PDZRN4: variants seen among roughly 807,000 people sequenced by gnomAD.
The protein encoded by PDZRN4 is PDZ domain containing ring finger 4.
Under a neutral mutation model 99.0 loss-of-function variants are expected in PDZRN4, and 70 were observed. That is an observed-to-expected ratio of 0.71 (90% CI 0.58 to 0.86). The LOEUF is 0.86. PDZRN4 is among the 40% of genes least tolerant of loss of function. PDZRN4 has a pLI of 0.00. For synonymous variants in PDZRN4, 551 were observed against 501.6 expected, an observed-to-expected ratio of 1.10 and a Z score of -1.32; for missense variants, 1,474 against 1,331.2, an observed-to-expected ratio of 1.11 and a Z score of -1.67.
chr12:41,258,693 G>T (rs1462099440), intron 3 of PDZRN4, among the ~76,000 whole-genome samples: 1 of 152,104 alleles, frequency 6.6e-6, no homozygotes, highest in Non-Finnish European at 1.5e-5. Flanking sequence ...CTATTCTAGT[G>T]CTAGGGATGT....
intron 3 of PDZRN4, among the ~76,000 whole-genome samples, chr12:41,371,606 C>T (rs1412384243): frequency 1.3e-5 from 2 of 152,062 alleles, no homozygotes; most frequent in African/African-American, 4.8e-5. Context: ...CTGTAACTGC[C>T]TGAGCTATCA....
chr12:41,256,377 G>A (rs546458528), intron 3 of PDZRN4, among the ~76,000 whole-genome samples: 40 of 152,154 alleles, frequency 2.6e-4, no homozygotes, highest in South Asian at 1.0e-3. Flanking sequence ...ATTAAGAAGT[G>A]TGGCAAAAAG....
chr12:41,413,873 T>A (rs1343765787), intron 3 of PDZRN4, among the ~76,000 whole-genome samples: 2 of 152,142 alleles, frequency 1.3e-5, no homozygotes, highest in Non-Finnish European at 2.9e-5. Flanking sequence ...AGTTGGTTGT[T>A]TCATAGTTTC....
At chr12:41,442,116 T>A (rs897973) in intron 3 of PDZRN4, among the ~76,000 whole-genome samples, 1 of 151,902 alleles carries the variant, frequency 6.6e-6, no homozygotes, top group African/African-American at 2.4e-5. Flanking sequence ...CCCTCTTGAG[T>A]GGCTTCTAGG....
intron 3 of PDZRN4, among the ~76,000 whole-genome samples, chr12:41,241,210 C>G (rs1817480751): frequency 6.6e-6 from 1 of 152,112 alleles, no homozygotes. Context: ...CTCCAGTGAA[C>G]ATTTCCTTTG....
In PDZRN4 at chr12:41,573,556, C is replaced by T. The variant is rs1209372126; in HGVS notation, c.2777C>T (p.Thr926Ile). Residue 926 changes from threonine (T) to isoleucine (I), a missense_variant, in exon 10 of 10, where the codon ACC (threonine) becomes ATC (isoleucine). By Grantham distance (89) the Thr-to-Ile change is moderately conservative. Coordinates refer to ENST00000402685, the MANE Select transcript of PDZRN4 (RefSeq NM_001164595.2). The stretch of plus-strand genomic sequence containing the variant: ...ATCAAGGAAGAGCGGAGTGGCATGA[C>T]CACAGACGATGACACCATGAGCGAG... ...LKIKEERSGMTTDDDTMSEMK... is the reference protein window; with the variant it reads ...LKIKEERSGMITDDDTMSEMK... The T allele has an allele frequency of 1.2e-6, 2 of 1,612,104 alleles. No homozygotes were observed. Among genetic ancestry groups the T allele is most frequent in the Non-Finnish European group, 8.5e-7 (1 of 1,179,350 alleles).
intron 5 of PDZRN4, among the ~76,000 whole-genome samples, chr12:41,523,182 C>T (rs928164808): frequency 1.3e-5 from 2 of 152,092 alleles, no homozygotes; most frequent in Non-Finnish European, 1.5e-5. Context: ...TATATGAGAA[C>T]GTGTAGTCCT....
At chr12:41,192,167 G>A (rs1056591264) in intron 2 of PDZRN4, among the ~76,000 whole-genome samples, 10 of 152,034 alleles carry the variant, frequency 6.6e-5, no homozygotes, top group Admixed American at 4.6e-4. Context: ...GTGCAGTAGC[G>A]TGATCTCAGC....
At chr12:41,493,778 G>A (rs923518999) in intron 3 of PDZRN4, among the ~76,000 whole-genome samples, 1 of 151,800 alleles carries the variant, frequency 6.6e-6, no homozygotes, top group Non-Finnish European at 1.5e-5. Flanking sequence ...ATCTCAGTGG[G>A]CTGCTGAATT....
chr12:41,361,838 A>G (rs1951965479), intron 3 of PDZRN4, among the ~76,000 whole-genome samples: 1 of 152,044 alleles, frequency 6.6e-6, no homozygotes, highest in African/African-American at 2.4e-5. Flanking sequence ...TGGAAAGAGG[A>G]TGAATCTGGC....
rs369568631 is a variant in PDZRN4 at position 41,269,163 on chromosome 12, A to ATG, written c.843+74975_843+74976insTG. Among the ~76,000 whole-genome samples, 20 of 152,354 alleles carry ATG rather than the reference A, an allele frequency of 1.3e-4. 1 individual carries two copies. The highest frequency in any genetic ancestry group is 4.8e-4 in the African/African-American group (20 of 41,590). On this transcript the variant is annotated intron_variant, in intron 3 of 9. Transcript: ENST00000402685. The stretch of plus-strand genomic sequence containing the variant: ...TGAGGTTATAATGGTTCTGAAGCTA[A>ATG]GAACAGTACTGCTAGTGTCCATGAA...
At position 41,188,909 on chromosome 12, in the gene PDZRN4, G is replaced by A. The variant is rs1467190441; in HGVS notation, c.454G>A (p.Gly152Ser). Residue 152 changes from glycine to serine, a missense_variant, in exon 1 of 10, where the codon GGC becomes AGC. Transcript: ENST00000402685. The stretch of plus-strand genomic sequence containing the variant: ...GGGCGCGCGCGGGGGGCCGCCGGGC[G>A]GCCGCTGGGGCCGCGGGCGGGGACC... Reference protein sequence around the residue: ...GGGARGGPPGGRWGRGRGPGP... With the variant: ...GGGARGGPPGSRWGRGRGPGP... The A allele has an allele frequency of 6.2e-6, 7 of 1,124,056 alleles. No individual in the cohort carries two copies. The highest frequency in any genetic ancestry group is 7.6e-6 in the Non-Finnish European group (7 of 920,642). 69.6% of individuals were successfully genotyped at this position (1,124,056 alleles called of 1,614,324 possible). A position where few individuals can be genotyped will look rare whatever the true frequency, so the allele number is the denominator to read the frequency against.
At position 41,316,121 on chromosome 12, in the gene PDZRN4, A is replaced by G. The variant is rs189747572; in HGVS notation, c.843+121933A>G. Reference sequence around the variant, plus strand: ...AACTGTAACCCATTTTCTTTTTTTAATAGGAAAGCTGTTGATTCCAACTTG... The same window carrying G: ...AACTGTAACCCATTTTCTTTTTTTAGTAGGAAAGCTGTTGATTCCAACTTG... On this transcript the variant is annotated intron_variant, in intron 3 of 9. Transcript: ENST00000402685. 3.3e-3 allele frequency among the ~76,000 whole-genome samples: 505 copies of G among 152,214 alleles called. 7 individuals carry two copies. The highest frequency in any genetic ancestry group is 0.012 in the African/African-American group (484 of 41,538).
intron 3 of PDZRN4, among the ~76,000 whole-genome samples, chr12:41,210,263 G>T (rs1950879458): frequency 6.6e-6 from 1 of 151,920 alleles, no homozygotes; most frequent in Non-Finnish European, 1.5e-5. Flanking sequence ...TGTCAGATGA[G>T]TAGGTTGCAA....
At chr12:41,215,119 C>T (rs1950912388) in intron 3 of PDZRN4, among the ~76,000 whole-genome samples, 1 of 152,028 alleles carries the variant, frequency 6.6e-6, no homozygotes, top group South Asian at 2.1e-4. Context: ...ACTTGCTTTC[C>T]TGACCAAAAT....
At chr12:41,392,152 C>T (rs1952214872) in intron 3 of PDZRN4, among the ~76,000 whole-genome samples, 1 of 152,068 alleles carries the variant, frequency 6.6e-6, no homozygotes, top group Non-Finnish European at 1.5e-5. Flanking sequence ...AAAGGCTTTG[C>T]TGTGATAGAA....
intron 5 of PDZRN4, among the ~76,000 whole-genome samples, chr12:41,541,739 C>T (rs11180988): frequency 0.14 from 21,164 of 152,174 alleles, 1,938 homozygotes; most frequent in Non-Finnish European, 0.2. Flanking sequence ...AGGCGTGAGC[C>T]ACCACGCCCG....
intron 3 of PDZRN4, among the ~76,000 whole-genome samples, chr12:41,500,982 AT>A (rs1463359586): frequency 1.3e-5 from 2 of 152,162 alleles, no homozygotes; most frequent in African/African-American, 4.8e-5. Context: ...GTCAAAATTA[AT>A]TCCACAGTTA....
rs114338523 is a variant in PDZRN4, at chr12:41,547,907, A to G, written c.1204-4749A>G. ...GCCAACCTGGGCCTAGAGAAATGTG[A>G]CTGCTTTCTTTCCCAAAGAATCCAG... is the stretch of plus-strand genomic sequence containing the variant. On this transcript the variant is annotated intron_variant, in intron 5 of 9. Coordinates refer to ENST00000402685, the MANE Select transcript of PDZRN4 (RefSeq NM_001164595.2). Among the ~76,000 whole-genome samples, 840 of 152,322 alleles carry G rather than the reference A, an allele frequency of 5.5e-3. 7 individuals are homozygous for G. Among genetic ancestry groups the G allele is most frequent in the African/African-American group, 0.019 (781 of 41,566 alleles).
Sources: gnomAD v4.1 joint callset for allele counts (sites outside exome capture counted in the v4.1 genomes callset) on GRCh38, gnomAD v4.1.1 for gene constraint, MANE v1.5 for transcripts, NCBI Gene and HGNC (gene_info 2026-07-23, HGNC 2026-07-21) for gene names.